The following INMT variants were observed in gnomAD, a reference collection of about 807,000 sequenced individuals.
INMT encodes indolethylamine N-methyltransferase.
INMT carries 11 observed loss-of-function variants against 11.5 expected under a neutral mutation model. The ratio of observed to expected loss-of-function variants is 0.95; its 90% CI spans 0.60 to 1.58. The LOEUF (loss-of-function observed/expected upper bound fraction) is 1.58, where lower values mean the gene tolerates loss of function less well. Among genes scored for constraint, INMT ranks in the 40% most tolerant of loss-of-function variants. The probability of loss-of-function intolerance (pLI) is 0.00; values close to 1 mark genes in which losing one functional copy is unlikely to be tolerated. For missense variants in INMT, 316 were observed against 336.1 expected (o/e 0.94, Z 0.47); for synonymous variants, 155 against 142.9 (o/e 1.08, Z -0.60).
Position 30,754,084 on chromosome 7 carries a change from T to C in INMT, c.362+146T>C, listed in dbSNP as rs752167100. ...TGTCCTGTGGTGGGGATAGAGTAGA[T>C]GGAATCCCAAGTTTCAGGATTACAG... On this transcript the variant is annotated intron_variant, in intron 2 of 2. Transcript: ENST00000013222. This position sits in a 1 kb window ranked among gnomAD's most constrained non-coding sequence, Gnocchi z 4.9. 1.4e-5 allele frequency: 11 copies of C among 779,616 alleles called. 1 individual carries two copies. The highest frequency in any genetic ancestry group is 3.6e-5 in the South Asian group (2 of 54,910). 48.3% of individuals were successfully genotyped at this position (779,616 alleles called of 1,614,324 possible).
In INMT at chr7:30,754,128, T is replaced by C. The variant is rs1786163900; in HGVS notation, c.362+190T>C. ...ATTACAGCAGTTTTAGGGGCAAGAC[T>C]CTGATCACAGGACTATGTTGAGGTG... On this transcript the variant is annotated intron_variant, in intron 2 of 2. Coordinates refer to ENST00000013222, the MANE Select transcript of INMT (RefSeq NM_006774.5). This position sits in a 1 kb window ranked among gnomAD's most constrained non-coding sequence, Gnocchi z 4.9. 6.6e-6 allele frequency among the ~76,000 whole-genome samples: 1 copy of C among 152,192 alleles called. No homozygotes were observed. Among genetic ancestry groups the C allele is most frequent in the African/African-American group, 2.4e-5 (1 of 41,434 alleles).
chr7:30,756,979 T>C lies in INMT; in HGVS notation c.*1128T>C, dbSNP rs1036175042. The C allele has an allele frequency of 6.6e-6, 1 of 152,264 alleles. No individual in the cohort carries two copies. Among genetic ancestry groups the C allele is most frequent in the African/African-American group, 2.4e-5 (1 of 41,464 alleles). 9.4% of individuals were successfully genotyped at this position (152,264 alleles called of 1,614,324 possible). Reference sequence around the variant, plus strand: ...ATTTTAGATAAATGAAATAAATCTATAAGGTTAAGTATGTCCCCAGAACTG... The same window carrying C: ...ATTTTAGATAAATGAAATAAATCTACAAGGTTAAGTATGTCCCCAGAACTG... On this transcript the variant is annotated 3_prime_UTR_variant, in exon 3 of 3. Transcript: ENST00000013222.
rs1015249785 is a variant in INMT, at chr7:30,752,150, C to A, written c.-1C>A. On this transcript the variant is annotated 5_prime_UTR_variant, in exon 1 of 3. Transcript: ENST00000013222. ...AGGAGGGGGCACATTTCAGGGACAC[C>A]ATGAAGGGTGGCTTCACTGGGGGTG... The A allele has an allele frequency of 6.2e-7, 1 of 1,613,800 alleles. No individual in the cohort carries two copies. Among genetic ancestry groups the A allele is most frequent in the Non-Finnish European group, 8.5e-7 (1 of 1,179,838 alleles).
intron 2 of INMT, among the ~76,000 whole-genome samples, chr7:30,755,028 A>T (rs374430669): frequency 1.3e-5 from 2 of 152,172 alleles, no homozygotes; most frequent in East Asian, 3.9e-4. Context: ...TTTGCTTTTC[A>T]TCACTCAAAA....
In INMT at chr7:30,753,846, C is replaced by G; in HGVS notation, c.270C>G (p.Asn90Lys). The G allele has an allele frequency of 6.2e-7, 1 of 1,614,210 alleles. No individual in the cohort carries two copies. The highest frequency in any genetic ancestry group is 8.5e-7 in the Non-Finnish European group (1 of 1,180,046). ...DITLSDFTDRNREELEKWLKK... is the reference protein window; with the variant it reads ...DITLSDFTDRKREELEKWLKK... ...CTCTCTCCGACTTTACCGACCGCAA[C>G]CGGGAGGAGCTGGAAAAGTGGCTGA... Residue 90 changes from asparagine (N) to lysine (K), a missense_variant, in exon 2 of 3, where the codon AAC becomes AAG. Physicochemically the swap from Asn to Lys is moderately conservative, Grantham distance 94 (BLOSUM62 0). Transcript: ENST00000013222.
chr7:30,753,294 G>T (rs938196227), intron 1 of INMT, among the ~76,000 whole-genome samples: 5 of 152,158 alleles, frequency 3.3e-5, no homozygotes, highest in African/African-American at 1.2e-4. Flanking sequence ...TCCAGGGGAG[G>T]CTTCCAGCTC....
At position 30,756,418 on chromosome 7, in the gene INMT, T is replaced by TTTTTTTTTTTTTATTTA. The variant is rs1184039379; in HGVS notation, c.*570_*571insTTTTTTTTTATTTATTT. On this transcript the variant is annotated 3_prime_UTR_variant, in exon 3 of 3. Transcript: ENST00000013222. ...ACCCAGCTAATTTTTTTTTTTTTTT[T>TTTTTTTTTTTTTATTTA]TTTATTTGAGACGGAGTTTCGCTCT... 6.4e-6 allele frequency: 1 copy of TTTTTTTTTTTTTATTTA among 156,040 alleles called. No individual in the cohort carries two copies. Among genetic ancestry groups the TTTTTTTTTTTTTATTTA allele is most frequent in the Non-Finnish European group, 1.3e-5 (1 of 74,874 alleles). 9.7% of individuals were successfully genotyped at this position (156,040 alleles called of 1,614,324 possible). A position where few individuals can be genotyped will look rare whatever the true frequency, so the allele number is the denominator to read the frequency against.
intron 1 of INMT, among the ~76,000 whole-genome samples, chr7:30,753,240 C>T (rs2128160018): frequency 6.6e-6 from 1 of 152,306 alleles, no homozygotes; most frequent in Non-Finnish European, 1.5e-5. Context: ...TTTCACCCCT[C>T]CCTCCTCCAA....
Position 30,754,285 on chromosome 7 carries a change from A to G in INMT, c.362+347A>G, listed in dbSNP as rs989234717. Among the ~76,000 whole-genome samples the G allele has an allele frequency of 6.6e-6, 1 of 151,950 alleles. No individual in the cohort carries two copies. Among genetic ancestry groups the G allele is most frequent in the African/African-American group, 2.4e-5 (1 of 41,352 alleles). Reference sequence around the variant, plus strand: ...TCTAACTATCCGTGCATATCCATCCATCCGTCCACCCACCGGTTCATCCAT... The same window carrying G: ...TCTAACTATCCGTGCATATCCATCCGTCCGTCCACCCACCGGTTCATCCAT... On this transcript the variant is annotated intron_variant, in intron 2 of 2. Coordinates refer to ENST00000013222, the MANE Select transcript of INMT (RefSeq NM_006774.5). The surrounding 1 kb of genome is among the most constrained non-coding windows in gnomAD (Gnocchi z 4.9).
In INMT at chr7:30,755,800, T is replaced by C. The variant is rs373076887; in HGVS notation, c.741T>C (p.Ala247=). The C allele has an allele frequency of 3.9e-5, 63 of 1,613,938 alleles. No homozygotes were observed. Among genetic ancestry groups the C allele is most frequent in the Non-Finnish European group, 5.3e-5 (63 of 1,179,950 alleles). ...HSPQSYSVTN[A]ANNGVCFIVA... is the part of the protein sequence containing the mutation. The stretch of plus-strand genomic sequence containing the variant: ...CCCAGAGCTACTCTGTCACCAATGC[T>C]GCCAACAATGGGGTCTGCTTCATTG... The change falls in exon 3 of 3, where the codon GCT becomes GCC. Residue 247 remains alanine, a synonymous_variant. Coordinates refer to ENST00000013222, the MANE Select transcript of INMT (RefSeq NM_006774.5).
rs1650800860 is a variant in INMT at position 30,754,458 on chromosome 7, C to A, written c.362+520C>A. Among the ~76,000 whole-genome samples the A allele has an allele frequency of 6.6e-6, 1 of 151,246 alleles. No individual in the cohort carries two copies. The highest frequency in any genetic ancestry group is 1.5e-5 in the Non-Finnish European group (1 of 67,798). The stretch of plus-strand genomic sequence containing the variant: ...ATCCATCCATCAATATTCATCCATC[C>A]ACCCACCCATCCATTCATCCATCCA... On this transcript the variant is annotated intron_variant, in intron 2 of 2. Coordinates refer to ENST00000013222, the MANE Select transcript of INMT (RefSeq NM_006774.5). This position sits in a 1 kb window ranked among gnomAD's most constrained non-coding sequence, Gnocchi z 4.9.
chr7:30,755,280 G>A, intron 2 of INMT, 142 bp from the exon 3 acceptor site: 2 of 696,588 alleles, frequency 2.9e-6, no homozygotes, highest in Non-Finnish European at 4.7e-6. Flanking sequence ...TTGAAGAAGA[G>A]CCTGCTGTCA....
intron 1 of INMT, 147 bp from the exon 2 acceptor site, chr7:30,753,584 G>A (rs1326630195): frequency 2.8e-6 from 2 of 716,952 alleles, no homozygotes; most frequent in Non-Finnish European, 4.9e-6. Context: ...TTTGGCATGA[G>A]GCTTGGCTTA....
In INMT at chr7:30,755,655, T is replaced by G. The variant is rs1300172647; in HGVS notation, c.596T>G (p.Leu199Arg). 1.2e-6 allele frequency: 2 copies of G among 1,614,228 alleles called. No homozygotes were observed. Among genetic ancestry groups the G allele is most frequent in the East Asian group, 4.5e-5 (2 of 44,888 alleles). Residue 199 changes from leucine (L) to arginine (R), a missense_variant, in exon 3 of 3, where the codon CTT (leucine) becomes CGT (arginine). By Grantham distance (102) the Leu-to-Arg change is moderately radical (BLOSUM62 -2). Transcript: ENST00000013222. ...PGGHLVTTVT[L>R]RLPSYMVGKR... ...GGCCACCTGGTGACCACTGTCACGC[T>G]TCGGCTCCCGTCCTACATGGTGGGG...
Position 30,756,024 on chromosome 7 carries a change from A to G in INMT, c.*173A>G. The stretch of plus-strand genomic sequence containing the variant: ...TGTTTTAGAATTCTAAGTTTCCAAC[A>G]TTCCTCATTCTAGGATCCTAGGAGT... On this transcript the variant is annotated 3_prime_UTR_variant, in exon 3 of 3. Coordinates refer to ENST00000013222, the MANE Select transcript of INMT (RefSeq NM_006774.5). 1 of 1,416,802 alleles carries G rather than the reference A, an allele frequency of 7.1e-7. No individual in the cohort carries two copies. The highest frequency in any genetic ancestry group is 9.2e-7 in the Non-Finnish European group (1 of 1,090,004). 87.8% of individuals were successfully genotyped at this position (1,416,802 alleles called of 1,614,324 possible).
In INMT at chr7:30,755,893, T is replaced by C. The variant is rs1342277597; in HGVS notation, c.*42T>C. ...AGAGGTCTGGTCAGGCTGTGAGGCC[T>C]TGGCCATCTGTATGCTAGAGAGGGG... On this transcript the variant is annotated 3_prime_UTR_variant, in exon 3 of 3. Coordinates refer to ENST00000013222, the MANE Select transcript of INMT (RefSeq NM_006774.5). The C allele has an allele frequency of 1.9e-6, 3 of 1,570,766 alleles. No individual in the cohort carries two copies.
In INMT at chr7:30,757,550, T is replaced by A. The variant is rs1786302246; in HGVS notation, c.*1699T>A. The stretch of plus-strand genomic sequence containing the variant: ...GGCAGGGCGGACAGTGTGAGAGAGC[T>A]AGTGTAAGCTGTTGATGAGAGCTGT... On this transcript the variant is annotated 3_prime_UTR_variant, in exon 3 of 3. Transcript: ENST00000013222. 6.4e-6 allele frequency: 1 copy of A among 155,782 alleles called. No homozygotes were observed. Among genetic ancestry groups the A allele is most frequent in the East Asian group, 1.9e-4 (1 of 5,236 alleles). The allele number at this position is 155,782 out of a possible 1,614,324, so 9.6% of individuals were successfully genotyped here.
chr7:30,753,593 T>C, intron 1 of INMT, 138 bp from the exon 2 acceptor site: 2 of 750,832 alleles, frequency 2.7e-6, no homozygotes, highest in Non-Finnish European at 4.6e-6. Flanking sequence ...AGGCTTGGCT[T>C]ACAGGGAGCT....
intron 2 of INMT, among the ~76,000 whole-genome samples, chr7:30,755,051 G>T (rs935403382): frequency 6.6e-6 from 1 of 151,994 alleles, no homozygotes; most frequent in African/African-American, 2.4e-5. Flanking sequence ...ATATTTTTAA[G>T]ATAGCTATAT....
Sources: gnomAD v4.1 joint callset for allele counts (sites outside exome capture counted in the v4.1 genomes callset) on GRCh38, gnomAD v4.1.1 for gene constraint, Gnocchi (gnomAD v3.1) non-coding constraint, MANE v1.5 for transcripts, NCBI Gene and HGNC (gene_info 2026-07-23, HGNC 2026-07-21) for gene names.